OSBPL9: variants seen among roughly 807,000 people sequenced by gnomAD.
OSBPL9 encodes oxysterol binding protein like 9, also known as oxysterol-binding protein-related protein 9.
In OSBPL9, 40 loss-of-function variants were observed where a neutral mutation model predicts 106.6. The ratio of observed to expected loss-of-function variants is 0.38; its 90% CI spans 0.29 to 0.49. The LOEUF (loss-of-function observed/expected upper bound fraction) is 0.49, where lower values mean the gene tolerates loss of function less well. OSBPL9 is among the 20% of genes least tolerant of loss of function. The pLI, the probability that OSBPL9 is intolerant of heterozygous loss-of-function variation, is 0.97. For synonymous variants in OSBPL9, 269 were observed against 295.4 expected, an observed-to-expected ratio of 0.91 and a Z score of 0.92; for missense variants, 609 against 887.2, an observed-to-expected ratio of 0.69 and a Z score of 3.98.
chr1:51,683,078 C>T (rs1571046327), intron 3 of OSBPL9, among the ~76,000 whole-genome samples: 1 of 151,800 alleles, frequency 6.6e-6, no homozygotes, highest in Non-Finnish European at 1.5e-5. Context: ...GGTTTTGCCA[C>T]GTTGGCCAGG....
chr1:51,770,428 C>T (rs1307702072), intron 12 of OSBPL9, among the ~76,000 whole-genome samples: 1 of 152,156 alleles, frequency 6.6e-6, no homozygotes, highest in Non-Finnish European at 1.5e-5. Context: ...CAAGCCTGAG[C>T]CACCATGCCC....
At chr1:51,539,421 C>T in the OSBPL9 span, among the ~76,000 whole-genome samples, 2 of 152,166 alleles carry the variant, frequency 1.3e-5, no homozygotes, top group African/African-American at 4.8e-5. Flanking sequence ...TCACTTCACT[C>T]GTCATCTCTT....
intron 8 of OSBPL9, among the ~76,000 whole-genome samples, chr1:51,753,099 C>G (rs1002668926): frequency 2.6e-5 from 4 of 152,112 alleles, no homozygotes; most frequent in Non-Finnish European, 5.9e-5. Flanking sequence ...ACTTAGCCAC[C>G]TCTCTGATGT....
At position 51,681,802 on chromosome 1, in the gene OSBPL9, C is replaced by T. The variant is rs1009243954; in HGVS notation, c.241+12290C>T. Among the ~76,000 whole-genome samples, 4 of 152,240 alleles carry T rather than the reference C, an allele frequency of 2.6e-5. No individual in the cohort carries two copies. In the East Asian group the frequency reaches 5.8e-4, roughly 22 times the overall value. On this transcript the variant is annotated intron_variant, in intron 3 of 23. Coordinates refer to ENST00000428468, the MANE Select transcript of OSBPL9 (RefSeq NM_024586.6). ...GCACAGTATTTGCATAAACCTGTGCCTATTCTCCTATATACTTTAAACCAT... is the reference window on the plus strand; with the variant it reads ...GCACAGTATTTGCATAAACCTGTGCTTATTCTCCTATATACTTTAAACCAT...
intron 2 of OSBPL9, among the ~76,000 whole-genome samples, chr1:51,657,670 G>T (rs895823945): frequency 6.6e-6 from 1 of 152,232 alleles, no homozygotes; most frequent in African/African-American, 2.4e-5. Flanking sequence ...TGTGCCACTA[G>T]ACGGTGCCCT....
chr1:51,638,890 G>A (rs1049579662), intron 1 of OSBPL9, among the ~76,000 whole-genome samples: 2 of 151,952 alleles, frequency 1.3e-5, no homozygotes, highest in African/African-American at 4.8e-5. Context: ...AAGTCCAGAG[G>A]ATTGCTTGAG....
the OSBPL9 span, among the ~76,000 whole-genome samples, chr1:51,543,982 T>C: frequency 1.3e-5 from 2 of 152,226 alleles, no homozygotes; most frequent in Non-Finnish European, 2.9e-5. Flanking sequence ...CCTTGCAGCA[T>C]TATAGATAAA....
chr1:51,779,127 C>T (rs371926849), intron 15 of OSBPL9, among the ~76,000 whole-genome samples: 86 of 152,236 alleles, frequency 5.6e-4, no homozygotes, highest in African/African-American at 1.9e-3. Context: ...TGGAAATATT[C>T]TGTTTTTTGA....
chr1:51,555,217 C>T, the OSBPL9 span, among the ~76,000 whole-genome samples: 13 of 152,038 alleles, frequency 8.6e-5, no homozygotes, highest in African/African-American at 2.7e-4. Context: ...GGTGGCTGGG[C>T]GCAGTGGCTC....
At chr1:51,667,412 G>C (rs1648781171) in intron 2 of OSBPL9, among the ~76,000 whole-genome samples, 1 of 152,048 alleles carries the variant, frequency 6.6e-6, no homozygotes, top group South Asian at 2.1e-4. Flanking sequence ...CTAATCTACT[G>C]TCAGTCTATG....
At chr1:51,610,344 C>T (rs1387614724) in intron 2 of OSBPL9, among the ~76,000 whole-genome samples, 3 of 152,148 alleles carry the variant, frequency 2.0e-5, no homozygotes, top group Admixed American at 2.0e-4. Context: ...TCACTGCAAC[C>T]TCTGCCTCCC....
At chr1:51,616,003 GTTT>G (rs764823727), upstream of OSBPL9, among the ~76,000 whole-genome samples, 6 of 104,500 alleles carry the variant, frequency 5.7e-5, no homozygotes, top group Admixed American at 2.3e-4. Context: ...AAATCCTTTG[GTTT>G]TTTTTTTTTT....
At chr1:51,584,680 C>T (rs1645237758) in intron 1 of OSBPL9, among the ~76,000 whole-genome samples, 1 of 152,132 alleles carries the variant, frequency 6.6e-6, no homozygotes, top group South Asian at 2.1e-4. Context: ...CGCGCCATTG[C>T]ACTCCAGCCT....
intron 1 of OSBPL9, among the ~76,000 whole-genome samples, chr1:51,597,419 ATATATGTG>A (rs1284033601): frequency 1.0e-5 from 1 of 98,324 alleles, no homozygotes; most frequent in African/African-American, 3.2e-5. Flanking sequence ...GTATATATAT[ATATATGTG>A]TGTGTGTGTG....
At chr1:51,519,050 A>ACC in the OSBPL9 span, 2 of 444,150 alleles carry the variant, frequency 4.5e-6, no homozygotes, top group Non-Finnish European at 7.5e-6. Context: ...CCGCAGTCGC[A>ACC]CCCGCTTTCC....
intron 5 of OSBPL9, 25 bp downstream of exon 5, chr1:51,745,656 A>C: frequency 6.8e-7 from 1 of 1,466,952 alleles, no homozygotes; most frequent in Non-Finnish European, 9.0e-7. Context: ...TGTATATTAA[A>C]TTTATATAAA....
At chr1:51,636,534 C>T (rs1645461614) in intron 1 of OSBPL9, among the ~76,000 whole-genome samples, 1 of 151,992 alleles carries the variant, frequency 6.6e-6, no homozygotes, top group South Asian at 2.1e-4. Flanking sequence ...GATGGGGTTT[C>T]ACCATGTTGT....
chr1:51,597,469 A>C (rs1266284332), intron 1 of OSBPL9, among the ~76,000 whole-genome samples: 2 of 150,882 alleles, frequency 1.3e-5, no homozygotes, highest in African/African-American at 4.9e-5. Context: ...GTATATACAC[A>C]CACACACAAA....
rs1432409261 is a variant in OSBPL9, at chr1:51,788,260, T to C, written c.*471T>C. 6.5e-6 allele frequency: 1 copy of C among 153,438 alleles called. No homozygotes were observed. 9.5% of individuals were successfully genotyped at this position (153,438 alleles called of 1,614,324 possible). The stretch of plus-strand genomic sequence containing the variant: ...TTTTTTTCATAAATATTCTGCCTAC[T>C]GTAAATATGGGTTCCTCTGAGTTGT... On this transcript the variant is annotated 3_prime_UTR_variant, in exon 24 of 24. Transcript: ENST00000428468.
Sources: gnomAD v4.1 joint callset for allele counts (sites outside exome capture counted in the v4.1 genomes callset) on GRCh38, gnomAD v4.1.1 for gene constraint, MANE v1.5 for transcripts, NCBI Gene and HGNC (gene_info 2026-07-23, HGNC 2026-07-21) for gene names.